CEP112: variants seen among roughly 807,000 people sequenced by gnomAD.
The protein encoded by CEP112 is centrosomal protein of 112 kDa.
Under a neutral mutation model 153.0 loss-of-function variants are expected in CEP112, and 127 were observed. The ratio of observed to expected loss-of-function variants is 0.83; its 90% CI spans 0.72 to 0.96. CEP112 has a LOEUF of 0.96. Among genes scored for constraint, CEP112 ranks in the 40% least tolerant of loss-of-function variants. CEP112 has a pLI of 0.00. For missense variants in CEP112, 1,089 were observed against 1,101.2 expected, an observed-to-expected ratio of 0.99 and a Z score of 0.16; for synonymous variants, 358 against 374.4, an observed-to-expected ratio of 0.96 and a Z score of 0.51.
At chr17:66,190,591 G>A (rs2073127587) in intron 1 of CEP112, among the ~76,000 whole-genome samples, 1 of 152,052 alleles carries the variant, frequency 6.6e-6, no homozygotes, top group Non-Finnish European at 1.5e-5. Flanking sequence ...CTCCAGCCTG[G>A]GCCACAGAGC....
At chr17:65,674,034 G>C (rs1175946674) in intron 24 of CEP112, among the ~76,000 whole-genome samples, 1 of 152,062 alleles carries the variant, frequency 6.6e-6, no homozygotes, top group African/African-American at 2.4e-5. Flanking sequence ...GCGCCACCAA[G>C]CCCAGCTAAT....
At chr17:66,086,296 G>A (rs535725523) in intron 8 of CEP112, among the ~76,000 whole-genome samples, 3 of 150,124 alleles carry the variant, frequency 2.0e-5, no homozygotes, top group Admixed American at 6.6e-5. Flanking sequence ...AACAAACTTC[G>A]AAACAGAACA....
chr17:65,766,534 TA>T (rs1425881848), intron 21 of CEP112, among the ~76,000 whole-genome samples: 6 of 152,182 alleles, frequency 3.9e-5, no homozygotes, highest in Non-Finnish European at 8.8e-5. Context: ...AGTAAGTCCT[TA>T]AATGTCAATA....
intron 21 of CEP112, chr17:65,826,561 G>C: frequency 7.7e-7 from 1 of 1,300,512 alleles, no homozygotes; most frequent in South Asian, 1.8e-5. Flanking sequence ...CAGGGCTAAA[G>C]GGCCAGCACA....
At chr17:65,913,278 G>C (rs1349572438) in intron 19 of CEP112, among the ~76,000 whole-genome samples, 1 of 152,060 alleles carries the variant, frequency 6.6e-6, no homozygotes, top group Non-Finnish European at 1.5e-5. Context: ...AAAAGATGTT[G>C]GAATCTTTCT....
At chr17:65,643,075 T>G (rs988381293) in intron 24 of CEP112, among the ~76,000 whole-genome samples, 1 of 151,892 alleles carries the variant, frequency 6.6e-6, no homozygotes, top group African/African-American at 2.4e-5. Flanking sequence ...CATTCTGGAG[T>G]GTGTCCTTTG....
At chr17:65,834,353 G>C (rs951446989) in intron 21 of CEP112, among the ~76,000 whole-genome samples, 4 of 152,078 alleles carry the variant, frequency 2.6e-5, no homozygotes, top group African/African-American at 9.7e-5. Flanking sequence ...TGACAAGTGG[G>C]CTATAATGAA....
chr17:66,155,527 TG>T (rs1365090961), intron 4 of CEP112, among the ~76,000 whole-genome samples: 1 of 151,136 alleles, frequency 6.6e-6, no homozygotes, highest in South Asian at 2.1e-4. Context: ...CAGTGGCACC[TG>T]GAATGCCAGC....
At chr17:66,180,833 T>C (rs2072688951) in intron 2 of CEP112, among the ~76,000 whole-genome samples, 1 of 152,180 alleles carries the variant, frequency 6.6e-6, no homozygotes, top group Non-Finnish European at 1.5e-5. Flanking sequence ...AAGGTCATAT[T>C]CATTTATTGT....
At chr17:65,893,175 C>T (rs1170566402) in intron 20 of CEP112, among the ~76,000 whole-genome samples, 1 of 152,066 alleles carries the variant, frequency 6.6e-6, no homozygotes, top group Non-Finnish European at 1.5e-5. Context: ...ACGACACACA[C>T]ACTCCTCGAG....
At chr17:65,999,390 A>G (rs2063924659) in intron 17 of CEP112, among the ~76,000 whole-genome samples, 1 of 152,022 alleles carries the variant, frequency 6.6e-6, no homozygotes, top group South Asian at 2.1e-4. Flanking sequence ...TTTAGTGGAT[A>G]CGGGGTTTCA....
chr17:65,649,615 A>G (rs907368903), intron 24 of CEP112, among the ~76,000 whole-genome samples: 2 of 150,868 alleles, frequency 1.3e-5, no homozygotes, highest in Non-Finnish European at 2.9e-5. Context: ...GCTACTTGAG[A>G]GTCTGAGGTG....
chr17:65,762,250 T>C (rs1231677786), intron 21 of CEP112, among the ~76,000 whole-genome samples: 1 of 152,088 alleles, frequency 6.6e-6, no homozygotes, highest in East Asian at 1.9e-4. Context: ...TAACTACTAA[T>C]TCTTTCTTCT....
intron 20 of CEP112, among the ~76,000 whole-genome samples, chr17:65,862,120 AAAAC>A (rs755575245): frequency 3.9e-5 from 6 of 152,266 alleles, no homozygotes; most frequent in Non-Finnish European, 5.9e-5. Flanking sequence ...ACAAAGTTCA[AAAAC>A]AAACAAAAAT....
intron 19 of CEP112, among the ~76,000 whole-genome samples, chr17:65,919,254 C>T (rs2060613572): frequency 6.6e-6 from 1 of 152,136 alleles, no homozygotes; most frequent in South Asian, 2.1e-4. Context: ...AGTAAAACTA[C>T]GTTGCTTTCC....
At chr17:65,950,139 T>A (rs139705385) in intron 18 of CEP112, among the ~76,000 whole-genome samples, 17 of 152,322 alleles carry the variant, frequency 1.1e-4, no homozygotes, top group Middle Eastern at 6.8e-3. Flanking sequence ...TGCATGTCAC[T>A]ACCTGTTTTC....
chr17:66,175,247 T>G (rs745677941), intron 3 of CEP112, 31 bp from the exon 4 acceptor site: 50 of 1,482,246 alleles, frequency 3.4e-5, no homozygotes, highest in Non-Finnish European at 4.0e-5. Flanking sequence ...AAATTATTCT[T>G]TCAAAATGTA....
chr17:66,061,965 CT>C (rs1390389871), intron 11 of CEP112, among the ~76,000 whole-genome samples: 1 of 152,142 alleles, frequency 6.6e-6, no homozygotes, highest in African/African-American at 2.4e-5. Context: ...TTCCCCCAAG[CT>C]GTTCTCATGA....
intron 23 of CEP112, among the ~76,000 whole-genome samples, chr17:65,741,451 G>A (rs1237377271): frequency 2.0e-5 from 3 of 150,492 alleles, no homozygotes; most frequent in Admixed American, 6.6e-5. Context: ...GTAACATATG[G>A]TACATATAGT....
Sources: allele counts gnomAD v4.1 joint callset (sites outside exome capture counted in the v4.1 genomes callset), GRCh38; gene constraint gnomAD v4.1.1; transcripts MANE v1.5; gene names NCBI Gene and HGNC (gene_info 2026-07-23, HGNC 2026-07-21).